Variants in MYO9B observed in about 807,000 individuals in gnomAD.
MYO9B encodes unconventional myosin-IXb.
MYO9B carries 71 observed loss-of-function variants against 229.5 expected under a neutral mutation model. That is an observed-to-expected ratio of 0.31 (90% CI 0.26 to 0.38). MYO9B has a LOEUF of 0.38. Among genes scored for constraint, MYO9B ranks in the 10% least tolerant of loss-of-function variants. The probability of loss-of-function intolerance (pLI) is 1.00; values close to 1 mark genes in which losing one functional copy is unlikely to be tolerated. For synonymous variants in MYO9B, 1,185 were observed against 1,235.8 expected, an observed-to-expected ratio of 0.96 and a Z score of 0.86; for missense variants, 2,255 against 2,920.5, an observed-to-expected ratio of 0.77 and a Z score of 5.25.
At chr19:17,149,409 C>T (rs1361387795) in intron 3 of MYO9B, among the ~76,000 whole-genome samples, 1 of 152,200 alleles carries the variant, frequency 6.6e-6, no homozygotes, top group African/African-American at 2.4e-5. Flanking sequence ...CCCCGACCTT[C>T]CCCAGGCTCC....
At chr19:17,169,831 T>TG (rs2072703279) in intron 11 of MYO9B, among the ~76,000 whole-genome samples, 1 of 140,268 alleles carries the variant, frequency 7.1e-6, no homozygotes, top group Admixed American at 7.1e-5. Context: ...TTTTTTTTTT[T>TG]GAGACAGGCT....
intron 22 of MYO9B, 59 bp from the exon 23 acceptor site, chr19:17,197,733 C>A (rs921695186): frequency 1.3e-6 from 2 of 1,594,846 alleles, no homozygotes; most frequent in Non-Finnish European, 1.7e-6. Flanking sequence ...ACCACTAAGA[C>A]AAGAAAATGC....
chr19:17,149,676 A>G (rs1487296540), intron 3 of MYO9B, among the ~76,000 whole-genome samples: 1 of 151,940 alleles, frequency 6.6e-6, no homozygotes, highest in Non-Finnish European at 1.5e-5. Flanking sequence ...TGCCATTCCC[A>G]CCAAGGCCAA....
chr19:17,134,381 G>GTTTGTTTTTT (rs2072241804), intron 2 of MYO9B, among the ~76,000 whole-genome samples: 2 of 46,472 alleles, frequency 4.3e-5, no homozygotes, highest in African/African-American at 1.8e-4. Context: ...CGTTTTGTTT[G>GTTTGTTTTTT]TTTTTTTTTT....
At chr19:17,145,354 T>G in intron 2 of MYO9B, 43 bp from the exon 3 acceptor site, 6 of 1,530,402 alleles carry the variant, frequency 3.9e-6, no homozygotes, top group Non-Finnish European at 4.5e-6. Context: ...GAAAAAGAAA[T>G]TCCACCCTCC....
At chr19:17,142,820 G>A (rs186466024) in intron 2 of MYO9B, among the ~76,000 whole-genome samples, 2 of 152,018 alleles carry the variant, frequency 1.3e-5, no homozygotes, top group Non-Finnish European at 2.9e-5. Context: ...TTCTTGGCTC[G>A]CAGGCGATTA....
At chr19:17,169,291 G>A (rs1189528893) in intron 11 of MYO9B, among the ~76,000 whole-genome samples, 1 of 146,714 alleles carries the variant, frequency 6.8e-6, no homozygotes, top group Non-Finnish European at 1.5e-5. Flanking sequence ...AAAATTGCTT[G>A]AACCTGGGAG....
In MYO9B at chr19:17,210,363, C is replaced by G. The variant is rs778067287; in HGVS notation, c.5779C>G (p.Pro1927Ala). ...GCCTCTCAAACTGGGGTTTTCGTCT[C>G]CCTATGAGGGGGTCCTGGTATGTAC... is the stretch of plus-strand genomic sequence containing the variant. ...PWPLKLGFSS[P>A]YEGVLNKSPK... Residue 1927 changes from proline to alanine, a missense_variant, in exon 37 of 40, where the codon CCC becomes GCC. Transcript: ENST00000682292. 5 of 1,599,448 alleles carry G rather than the reference C, an allele frequency of 3.1e-6. No homozygotes were observed. Among genetic ancestry groups the G allele is most frequent in the East Asian group, 2.2e-5 (1 of 44,504 alleles).
chr19:17,105,319 CAAAAAAA>C (rs36000160), intron 2 of MYO9B, among the ~76,000 whole-genome samples: 7,881 of 71,646 alleles, frequency 0.11, 284 homozygotes, highest in Middle Eastern at 0.18. Context: ...CTGTCTCTAC[CAAAAAAA>C]AAAAAAAAAA....
At chr19:17,115,372 C>G (rs2057891589) in intron 2 of MYO9B, among the ~76,000 whole-genome samples, 1 of 152,036 alleles carries the variant, frequency 6.6e-6, no homozygotes. Context: ...TACTACCTGG[C>G]CCTTTATAGG....
chr19:17,088,824 G>A (rs564698795), intron 1 of MYO9B, among the ~76,000 whole-genome samples: 2 of 152,184 alleles, frequency 1.3e-5, no homozygotes, highest in South Asian at 2.1e-4. Context: ...CTGAGTACCT[G>A]GGACCACAGG....
At position 17,209,698 on chromosome 19, in the gene MYO9B, C is replaced by G; in HGVS notation, c.5737C>G (p.Arg1913Gly). 6.2e-7 allele frequency: 1 copy of G among 1,613,660 alleles called. No homozygotes were observed. ...SIAFRRLSLL[R>G]QNAPWPLKLG... ...CGCCTTCCGCAGGCTTTCGCTCCTG[C>G]GACAAAATGCTGTGAGTACCGGTGA... The change falls in exon 36 of 40, where the codon CGA becomes GGA. Residue 1913 changes from arginine (R) to glycine (G), a missense_variant. Arg to Gly is a moderately radical substitution (Grantham distance 125). Around this residue, in one of 7 missense-constraint regions of MYO9B, gnomAD observed 416 missense variants for 605.5 expected, o/e 0.69. Transcript: ENST00000682292.
At chr19:17,140,149 T>C (rs1056520328) in intron 2 of MYO9B, among the ~76,000 whole-genome samples, 4 of 152,104 alleles carry the variant, frequency 2.6e-5, no homozygotes, top group Non-Finnish European at 5.9e-5. Context: ...TATAATCTTA[T>C]GGGACCACCG....
intron 1 of MYO9B, among the ~76,000 whole-genome samples, chr19:17,077,848 T>C (rs1190527906): frequency 6.6e-6 from 1 of 152,188 alleles, no homozygotes; most frequent in Non-Finnish European, 1.5e-5. Flanking sequence ...TTTCAACCGC[T>C]TCTTCATCGT....
At chr19:17,206,892 C>A in intron 34 of MYO9B, 108 bp downstream of exon 34, 2 of 1,255,624 alleles carry the variant, frequency 1.6e-6, no homozygotes, top group Non-Finnish European at 2.3e-6. Flanking sequence ...GGTTTCGAAC[C>A]AGGATGCAGA....
At chr19:17,103,662 C>G (rs1324006321) in intron 2 of MYO9B, 1 of 152,100 alleles carries the variant, frequency 6.6e-6, no homozygotes, top group Admixed American at 6.6e-5. Flanking sequence ...GAAGGCAAGT[C>G]CCAAACCATC....
intron 2 of MYO9B, among the ~76,000 whole-genome samples, chr19:17,105,380 C>G (rs115807780): frequency 0.012 from 1,761 of 151,514 alleles, 45 homozygotes; most frequent in African/African-American, 0.039. Flanking sequence ...CTGTGGTCCC[C>G]CCTACGTGGG....
Position 17,153,963 on chromosome 19 carries a change from G to T in MYO9B, c.999-4G>T. ...ACTATTTTCCTCCCAATTTTGACCTGTAGGAACTACCATGTGTTTTATTAT... is the reference window on the plus strand; with the variant it reads ...ACTATTTTCCTCCCAATTTTGACCTTTAGGAACTACCATGTGTTTTATTAT... On this transcript the variant is annotated splice_polypyrimidine_tract_variant and splice_region_variant and intron_variant, in intron 4 of 39. Transcript: ENST00000682292. The T allele has an allele frequency of 6.2e-7, 1 of 1,612,836 alleles. No homozygotes were observed. Among genetic ancestry groups the T allele is most frequent in the Non-Finnish European group, 8.5e-7 (1 of 1,178,940 alleles).
At chr19:17,155,044 AC>A (rs1195315701) in intron 6 of MYO9B, among the ~76,000 whole-genome samples, 3 of 152,094 alleles carry the variant, frequency 2.0e-5, no homozygotes, top group Non-Finnish European at 2.9e-5. Context: ...AGGCAACAGG[AC>A]CACTTAAAGC....
Sources: allele counts gnomAD v4.1 joint callset (sites outside exome capture counted in the v4.1 genomes callset), GRCh38; gene constraint gnomAD v4.1.1; regional missense constraint gnomAD v4.1.1; transcripts MANE v1.5; gene names NCBI Gene and HGNC (gene_info 2026-07-23, HGNC 2026-07-21).